The following UBE3B variants were observed in gnomAD, a reference collection of about 807,000 sequenced individuals.
The protein encoded by UBE3B is ubiquitin-protein ligase E3B.
Under a neutral mutation model 132.3 loss-of-function variants are expected in UBE3B, and 80 were observed. The observed-to-expected ratio is 0.60, with a 90% CI of 0.50 to 0.73. The LOEUF (loss-of-function observed/expected upper bound fraction) is 0.73, where lower values mean the gene tolerates loss of function less well. Ranked by LOEUF, UBE3B falls within the 30% of genes least tolerant of loss-of-function variation. The probability of loss-of-function intolerance (pLI) is 0.00; values close to 1 mark genes in which losing one functional copy is unlikely to be tolerated. For synonymous variants in UBE3B, 487 were observed against 520.4 expected (o/e 0.94, Z 0.87); for missense variants, 1,196 against 1,362.5 (o/e 0.88, Z 1.92).
At chr12:109,486,717 T>C in intron 6 of UBE3B, 142 bp downstream of exon 6, 1 of 707,874 alleles carries the variant, frequency 1.4e-6, no homozygotes, top group Non-Finnish European at 2.3e-6. Context: ...AGAGAGGAAT[T>C]TTGATTCTGT....
At chr12:109,532,482 T>C (rs948438146) in intron 26 of UBE3B, among the ~76,000 whole-genome samples, 1 of 152,298 alleles carries the variant, frequency 6.6e-6, no homozygotes, top group East Asian at 1.9e-4. Context: ...AACCCTCAAA[T>C]TGCCCCTGAG....
rs764377857 is a variant in UBE3B, at chr12:109,534,347, C to G, written c.3016-244C>G. 412 of 1,412,888 alleles carry G rather than the reference C, an allele frequency of 2.9e-4. No individual in the cohort carries two copies. Among genetic ancestry groups the G allele is most frequent in the Non-Finnish European group, 3.6e-4 (392 of 1,089,396 alleles). The allele number at this position is 1,412,888 out of a possible 1,614,324, so 87.5% of individuals were successfully genotyped here. A position where few individuals can be genotyped will look rare whatever the true frequency, so the allele number is the denominator to read the frequency against. ...CGCTGTGAACCGGAAGGCCCCATTTCCAAAAGCTTACTTAGTGCAGGAATT... is the reference window on the plus strand; with the variant it reads ...CGCTGTGAACCGGAAGGCCCCATTTGCAAAAGCTTACTTAGTGCAGGAATT... On this transcript the variant is annotated intron_variant, in intron 27 of 27. Coordinates refer to ENST00000342494, the MANE Select transcript of UBE3B (RefSeq NM_130466.4). The surrounding 1 kb of genome is among the most constrained non-coding windows in gnomAD (Gnocchi z 5.2).
chr12:109,499,202 A>G (rs1172466524), intron 11 of UBE3B, among the ~76,000 whole-genome samples: 2 of 152,186 alleles, frequency 1.3e-5, no homozygotes, highest in South Asian at 2.1e-4. Context: ...GCGACTTCCC[A>G]CGACACTCAG....
intron 15 of UBE3B, 59 bp downstream of exon 15, chr12:109,507,794 AGT>A: frequency 6.5e-7 from 1 of 1,545,652 alleles, no homozygotes; most frequent in Non-Finnish European, 8.8e-7. Flanking sequence ...ACCAAAATAC[AGT>A]GTCAGTAAGG....
chr12:109,538,046 A>T (rs1304452186), downstream of UBE3B, among the ~76,000 whole-genome samples: 1 of 152,248 alleles, frequency 6.6e-6, no homozygotes, highest in Admixed American at 6.5e-5. The surrounding 1 kb of genome is among the most constrained non-coding windows in gnomAD (Gnocchi z 4.1). Flanking sequence ...AAGAGAAAGG[A>T]TGTCTTTATA....
intron 18 of UBE3B, among the ~76,000 whole-genome samples, chr12:109,514,375 C>T (rs1380197484): frequency 1.3e-5 from 2 of 152,240 alleles, no homozygotes; most frequent in Non-Finnish European, 2.9e-5. Flanking sequence ...CTGTCCACTG[C>T]AGTCGCTGAG....
chr12:109,493,653 TATC>T (rs1454714685), intron 9 of UBE3B, among the ~76,000 whole-genome samples: 1 of 152,200 alleles, frequency 6.6e-6, no homozygotes. Context: ...TAAAGTAAGA[TATC>T]AGTGGTTTCA....
chr12:109,483,773 G>A, intron 3 of UBE3B, 61 bp downstream of exon 3: 1 of 1,579,174 alleles, frequency 6.3e-7, no homozygotes, highest in Non-Finnish European at 8.6e-7. Flanking sequence ...GCAGATAAAT[G>A]AGTTTTTTCT....
Position 109,530,922 on chromosome 12 carries a change from C to T in UBE3B, c.2922+264C>T, listed in dbSNP as rs561832848. On this transcript the variant is annotated intron_variant, in intron 26 of 27. Coordinates refer to ENST00000342494, the MANE Select transcript of UBE3B (RefSeq NM_130466.4). ...GGCATACCTGTTGTGCTCGGCACTC[C>T]GTCCTCCCCTTTGCCTATGCTGGCC... is the stretch of plus-strand genomic sequence containing the variant. 3.3e-5 allele frequency among the ~76,000 whole-genome samples: 5 copies of T among 152,278 alleles called. No individual in the cohort carries two copies. In the East Asian group the frequency reaches 5.8e-4, roughly 18 times the overall value.
intron 18 of UBE3B, among the ~76,000 whole-genome samples, chr12:109,514,126 C>A (rs2136010576): frequency 6.6e-6 from 1 of 152,354 alleles, no homozygotes; most frequent in East Asian, 1.9e-4. Context: ...TCATTTTCTG[C>A]ACCCTCTTAC....
chr12:109,525,158 A>C (rs887632971), intron 23 of UBE3B, among the ~76,000 whole-genome samples: 1 of 152,030 alleles, frequency 6.6e-6, no homozygotes, highest in South Asian at 2.1e-4. Flanking sequence ...CACTTTCCAT[A>C]TCCATTTGCC....
intron 15 of UBE3B, chr12:109,508,490 T>A: frequency 1.0e-6 from 1 of 983,800 alleles, no homozygotes; most frequent in South Asian, 4.7e-5. Flanking sequence ...TTATGCATCT[T>A]GTGTGTTTGG....
rs1883227550 is a variant in UBE3B at position 109,534,053 on chromosome 12, GT to G, written c.3015+496del. The G allele has an allele frequency of 7.7e-7, 1 of 1,294,568 alleles. No homozygotes were observed. The highest frequency in any genetic ancestry group is 1.0e-6 in the Non-Finnish European group (1 of 992,778). The allele number at this position is 1,294,568 out of a possible 1,614,324, so 80.2% of individuals were successfully genotyped here. On this transcript the variant is annotated intron_variant, in intron 27 of 27. Transcript: ENST00000342494. The surrounding 1 kb of genome is among the most constrained non-coding windows in gnomAD (Gnocchi z 5.2). ...GTGTCTCAAGCCTGGCCCACTGTGG[GT>G]GCTCAAATGAGAGTCCTACTCCCCA... is the stretch of plus-strand genomic sequence containing the variant.
chr12:109,503,111 C>G lies in UBE3B; in HGVS notation c.1371C>G (p.Val457=). Residue 457 remains valine, a synonymous_variant, in exon 14 of 28, where the codon GTC becomes GTG. Coordinates refer to ENST00000342494, the MANE Select transcript of UBE3B (RefSeq NM_130466.4). The part of the protein sequence containing the change: ...VGGKRVDSAE[V]QKVCNICVLY... ...GTAAACGGGTCGACTCTGCAGAAGT[C>G]CAGAAGGTTTGCAACATCTGTGTCC... The G allele has an allele frequency of 1.2e-6, 2 of 1,614,188 alleles. No homozygotes were observed. The highest frequency in any genetic ancestry group is 1.6e-4 in the Middle Eastern group (1 of 6,062).
chr12:109,500,736 CCTG>C (rs1242555706), intron 12 of UBE3B, among the ~76,000 whole-genome samples: 1 of 152,148 alleles, frequency 6.6e-6, no homozygotes, highest in African/African-American at 2.4e-5. Context: ...TCATCTGAAA[CCTG>C]GGGATAATTT....
rs1429801024 is a variant in UBE3B at position 109,534,919 on chromosome 12, C to T, written c.*137C>T. On this transcript the variant is annotated 3_prime_UTR_variant, in exon 28 of 28. Coordinates refer to ENST00000342494, the MANE Select transcript of UBE3B (RefSeq NM_130466.4). This position sits in a 1 kb window ranked among gnomAD's most constrained non-coding sequence, Gnocchi z 5.2. ...GACCCTCTCTATAGCCATGAGACTC[C>T]TTGTGGCCTCAAGAAATTTAGACGC... 6 of 643,030 alleles carry T rather than the reference C, an allele frequency of 9.3e-6. No homozygotes were observed. The highest frequency in any genetic ancestry group is 1.4e-5 in the Non-Finnish European group (6 of 421,048). 39.8% of individuals were successfully genotyped at this position (643,030 alleles called of 1,614,324 possible). A position where few individuals can be genotyped will look rare whatever the true frequency, so the allele number is the denominator to read the frequency against.
At chr12:109,533,836 G>T (rs1285863830) in intron 27 of UBE3B, 2 of 1,089,994 alleles carry the variant, frequency 1.8e-6, no homozygotes, top group East Asian at 3.4e-5. Flanking sequence ...GCTGTTTTTA[G>T]TGGCGTCTGG....
At chr12:109,494,254 T>C (rs140643064) in intron 9 of UBE3B, among the ~76,000 whole-genome samples, 69 of 152,334 alleles carry the variant, frequency 4.5e-4, no homozygotes, top group African/African-American at 1.4e-3. Context: ...ACTCATACTC[T>C]TTCTTCTTAT....
rs376242194 is a variant in UBE3B, at chr12:109,534,831, C to T, written c.*49C>T. 4.6e-5 allele frequency: 66 copies of T among 1,441,384 alleles called. No individual in the cohort carries two copies. In the African/African-American group the frequency reaches 8.9e-4, roughly 19 times the overall value. The allele number at this position is 1,441,384 out of a possible 1,614,324, so 89.3% of individuals were successfully genotyped here. A position where few individuals can be genotyped will look rare whatever the true frequency, so the allele number is the denominator to read the frequency against. On this transcript the variant is annotated 3_prime_UTR_variant, in exon 28 of 28. Transcript: ENST00000342494. The surrounding 1 kb of genome is among the most constrained non-coding windows in gnomAD (Gnocchi z 5.2). ...GGGCTCCTGGGCTGCCAGGGACCTTCAGCTCCCAGAGGCAGTGTGGTCCTG... is the reference window on the plus strand; with the variant it reads ...GGGCTCCTGGGCTGCCAGGGACCTTTAGCTCCCAGAGGCAGTGTGGTCCTG...
Sources: gnomAD v4.1 joint callset for allele counts (sites outside exome capture counted in the v4.1 genomes callset) on GRCh38, gnomAD v4.1.1 for gene constraint, Gnocchi (gnomAD v3.1) non-coding constraint, MANE v1.5 for transcripts, NCBI Gene and HGNC (gene_info 2026-07-23, HGNC 2026-07-21) for gene names.